The following CSTPP1 variants were observed in gnomAD, a reference collection of about 807,000 sequenced individuals.
The protein encoded by CSTPP1 is UPF0705 protein C11orf49.
the CSTPP1 span, among the ~76,000 whole-genome samples, chr11:47,104,921 G>C: frequency 6.6e-6 from 1 of 152,228 alleles, no homozygotes; most frequent in Non-Finnish European, 1.5e-5. Flanking sequence ...GGAAGCCTAG[G>C]AAAAGGCTAT....
At chr11:46,989,259 A>G in the CSTPP1 span, among the ~76,000 whole-genome samples, 1 of 152,150 alleles carries the variant, frequency 6.6e-6, no homozygotes, top group African/African-American at 2.4e-5. Flanking sequence ...ACTTCTTTAT[A>G]AAGTATACTT....
chr11:47,065,439 C>G, the CSTPP1 span, among the ~76,000 whole-genome samples: 1 of 151,846 alleles, frequency 6.6e-6, no homozygotes, highest in African/African-American at 2.4e-5. Context: ...CCATCAAGCC[C>G]AGCTAATTTT....
At chr11:47,097,117 G>A in the CSTPP1 span, among the ~76,000 whole-genome samples, 2 of 136,410 alleles carry the variant, frequency 1.5e-5, no homozygotes, top group African/African-American at 5.1e-5. Flanking sequence ...TCAGCCCCCC[G>A]CCTGGCCAGC....
At chr11:47,049,306 G>A in the CSTPP1 span, among the ~76,000 whole-genome samples, 3 of 151,852 alleles carry the variant, frequency 2.0e-5, no homozygotes, top group Non-Finnish European at 2.9e-5. Context: ...GTTTTGGAGA[G>A]TTATAAAGAT....
At chr11:47,122,091 A>AAAATATATATATATAT in the CSTPP1 span, among the ~76,000 whole-genome samples, 3 of 31,840 alleles carry the variant, frequency 9.4e-5, no homozygotes, top group Non-Finnish European at 1.3e-4. Context: ...AAAAAAAAAA[A>AAAATATATATATATAT]ATATATATAT....
chr11:47,062,815 A>C, the CSTPP1 span, among the ~76,000 whole-genome samples: 2 of 152,216 alleles, frequency 1.3e-5, no homozygotes, highest in Non-Finnish European at 2.9e-5. Context: ...ATTAGATGCC[A>C]ATGTTTCACA....
At chr11:47,044,641 TG>T in the CSTPP1 span, among the ~76,000 whole-genome samples, 1 of 151,854 alleles carries the variant, frequency 6.6e-6, no homozygotes, top group African/African-American at 2.4e-5. Context: ...TAAAAAGAAT[TG>T]GGGGGTGCAG....
At chr11:47,060,071 T>G in the CSTPP1 span, among the ~76,000 whole-genome samples, 1 of 145,300 alleles carries the variant, frequency 6.9e-6, no homozygotes, top group Non-Finnish European at 1.5e-5. Flanking sequence ...GCCACTGCAC[T>G]CCAGCCTAGG....
chr11:47,015,976 T>G, the CSTPP1 span, among the ~76,000 whole-genome samples: 1 of 152,184 alleles, frequency 6.6e-6, no homozygotes, highest in East Asian at 1.9e-4. Flanking sequence ...TCAAGACTGT[T>G]CATGCTGTCT....
the CSTPP1 span, among the ~76,000 whole-genome samples, chr11:47,081,230 G>A: frequency 3.4e-4 from 51 of 151,750 alleles, no homozygotes; most frequent in Non-Finnish European, 5.9e-4. Context: ...TTGCTTATTT[G>A]CTTATTTTTT....
At chr11:47,127,829 C>A in the CSTPP1 span, among the ~76,000 whole-genome samples, 6 of 152,026 alleles carry the variant, frequency 3.9e-5, no homozygotes, top group East Asian at 1.9e-4. Flanking sequence ...GCAGAAGAAC[C>A]AGGATTTGGA....
chr11:46,958,300 CCATAATTTT>C, the CSTPP1 span, among the ~76,000 whole-genome samples: 1 of 151,780 alleles, frequency 6.6e-6, no homozygotes, highest in Non-Finnish European at 1.5e-5. Flanking sequence ...ACGCCTGGCC[CCATAATTTT>C]CTTAACATTT....
At chr11:47,045,859 TCA>T in the CSTPP1 span, among the ~76,000 whole-genome samples, 1 of 152,162 alleles carries the variant, frequency 6.6e-6, no homozygotes, top group South Asian at 2.1e-4. Flanking sequence ...CCATCTAGGC[TCA>T]CTGCAACCTC....
the CSTPP1 span, among the ~76,000 whole-genome samples, chr11:47,122,275 G>A: frequency 2.0e-5 from 3 of 151,232 alleles, no homozygotes. Context: ...GGAGGACCAA[G>A]GGGCATTATA....
the CSTPP1 span, among the ~76,000 whole-genome samples, chr11:46,946,474 C>T: frequency 5.3e-4 from 80 of 152,248 alleles, no homozygotes; most frequent in African/African-American, 1.7e-3. Flanking sequence ...CTGGCTAACA[C>T]GGTGAAACCC....
chr11:47,101,024 A>C, the CSTPP1 span, among the ~76,000 whole-genome samples: 1 of 150,204 alleles, frequency 6.7e-6, no homozygotes, highest in East Asian at 1.9e-4. Flanking sequence ...TTTTAGACAG[A>C]GTCTTGCTCT....
the CSTPP1 span, among the ~76,000 whole-genome samples, chr11:46,977,430 A>C: frequency 6.6e-6 from 1 of 152,244 alleles, no homozygotes; most frequent in East Asian, 1.9e-4. Context: ...AAAAATGTGA[A>C]AAACCTCCCA....
the CSTPP1 span, among the ~76,000 whole-genome samples, chr11:46,972,180 A>G: frequency 6.6e-6 from 1 of 152,234 alleles, no homozygotes; most frequent in Non-Finnish European, 1.5e-5. Context: ...AAGAGAGTAT[A>G]GTAATTTTTT....
chr11:46,943,678 A>G, the CSTPP1 span, among the ~76,000 whole-genome samples: 1 of 152,316 alleles, frequency 6.6e-6, no homozygotes, highest in African/African-American at 2.4e-5. Flanking sequence ...TGTATGACCT[A>G]GAAGAAATCA....
Sources: gnomAD v4.1 joint callset for allele counts (sites outside exome capture counted in the v4.1 genomes callset) on GRCh38, gnomAD v4.1.1 for gene constraint, MANE v1.5 for transcripts, NCBI Gene and HGNC (gene_info 2026-07-23, HGNC 2026-07-21) for gene names.